The following KCNK10 variants were observed in gnomAD, a reference collection of about 807,000 sequenced individuals.
The protein encoded by KCNK10 is potassium channel subfamily K member 10.
Under a neutral mutation model 47.7 loss-of-function variants are expected in KCNK10, and 25 were observed. That is an observed-to-expected ratio of 0.52 (90% CI 0.38 to 0.73). The LOEUF is 0.73. Among genes scored for constraint, KCNK10 ranks in the 30% least tolerant of loss-of-function variants. The pLI, the probability that KCNK10 is intolerant of heterozygous loss-of-function variation, is 0.00. For missense variants in KCNK10, 563 were observed against 714.5 expected (o/e 0.79, Z 2.42); for synonymous variants, 303 against 285.6 (o/e 1.06, Z -0.61).
intron 1 of KCNK10, among the ~76,000 whole-genome samples, chr14:88,280,579 C>T (rs149026639): frequency 1.4e-3 from 208 of 152,228 alleles, no homozygotes; most frequent in African/African-American, 4.6e-3. Context: ...GTGAAAATTG[C>T]GCTTGTTAGT....
chr14:88,203,424 A>G (rs1468357795), intron 4 of KCNK10, among the ~76,000 whole-genome samples: 1 of 152,230 alleles, frequency 6.6e-6, no homozygotes, highest in African/African-American at 2.4e-5. Flanking sequence ...CCTGGAGGTC[A>G]GGGCAAGCTG....
intron 4 of KCNK10, among the ~76,000 whole-genome samples, chr14:88,217,151 C>A (rs184013237): frequency 1.3e-5 from 2 of 152,034 alleles, no homozygotes; most frequent in African/African-American, 4.8e-5. Flanking sequence ...AGTGAGACTC[C>A]GTCTCAATAA....
At chr14:88,276,365 T>G (rs1232116863) in intron 1 of KCNK10, among the ~76,000 whole-genome samples, 1 of 151,962 alleles carries the variant, frequency 6.6e-6, no homozygotes, top group East Asian at 1.9e-4. Context: ...TGAATCTGCC[T>G]TGATATCTTG....
At chr14:88,196,034 T>C (rs535863694) in intron 4 of KCNK10, among the ~76,000 whole-genome samples, 9 of 152,340 alleles carry the variant, frequency 5.9e-5, no homozygotes, top group Non-Finnish European at 8.8e-5. Flanking sequence ...TGGTCTGATA[T>C]GATATTTGGG....
intron 1 of KCNK10, among the ~76,000 whole-genome samples, chr14:88,266,317 C>A (rs1483878144): frequency 1.3e-5 from 2 of 152,210 alleles, no homozygotes; most frequent in Non-Finnish European, 2.9e-5. Context: ...GCTCTGTTCA[C>A]ACCTTCACAC....
chr14:88,217,152 G>A (rs1372302988), intron 4 of KCNK10, among the ~76,000 whole-genome samples: 6 of 152,172 alleles, frequency 3.9e-5, no homozygotes, highest in East Asian at 1.9e-4. Context: ...GTGAGACTCC[G>A]TCTCAATAAA....
intron 3 of KCNK10, among the ~76,000 whole-genome samples, chr14:88,238,854 G>A (rs1273175225): frequency 1.3e-5 from 2 of 152,058 alleles, no homozygotes; most frequent in East Asian, 3.9e-4. Flanking sequence ...CTTGAACACT[G>A]AGAAGCCACT....
At chr14:88,252,158 G>A (rs563841145) in intron 2 of KCNK10, among the ~76,000 whole-genome samples, 6 of 151,718 alleles carry the variant, frequency 4.0e-5, no homozygotes, top group African/African-American at 9.7e-5. Context: ...CAAGTGATCC[G>A]CCTGCCTCAG....
chr14:88,227,344 G>A, intron 4 of KCNK10, 31 bp downstream of exon 4: 2 of 1,562,308 alleles, frequency 1.3e-6, no homozygotes, highest in Non-Finnish European at 1.7e-6. Flanking sequence ...GGATCACAGT[G>A]GTTAGAATTT....
At chr14:88,275,431 C>A (rs781708371) in intron 1 of KCNK10, among the ~76,000 whole-genome samples, 1 of 152,144 alleles carries the variant, frequency 6.6e-6, no homozygotes, top group African/African-American at 2.4e-5. Flanking sequence ...GCCATCATCT[C>A]CATTCCATCT....
intron 4 of KCNK10, among the ~76,000 whole-genome samples, chr14:88,215,875 C>T (rs1885601872): frequency 6.6e-6 from 1 of 152,014 alleles, no homozygotes; most frequent in Admixed American, 6.6e-5. Flanking sequence ...CTTTACTGTG[C>T]ATAGAAAAGA....
intron 4 of KCNK10, among the ~76,000 whole-genome samples, chr14:88,214,672 A>G (rs918475890): frequency 6.6e-6 from 1 of 152,224 alleles, no homozygotes; most frequent in Non-Finnish European, 1.5e-5. Context: ...AGAGAACACA[A>G]AGAAAGAGAT....
At chr14:88,228,672 C>T (rs886534754) in intron 3 of KCNK10, among the ~76,000 whole-genome samples, 4 of 152,186 alleles carry the variant, frequency 2.6e-5, no homozygotes, top group Non-Finnish European at 5.9e-5. Context: ...GTTAGTCCAT[C>T]ATTCAGCCAC....
At chr14:88,277,100 C>T (rs1371343140) in intron 1 of KCNK10, among the ~76,000 whole-genome samples, 1 of 152,210 alleles carries the variant, frequency 6.6e-6, no homozygotes, top group African/African-American at 2.4e-5. Context: ...AGGCTCCACA[C>T]CCCAACACAC....
At chr14:88,324,185 C>A (rs80290470), upstream of KCNK10, among the ~76,000 whole-genome samples, 6 of 152,360 alleles carry the variant, frequency 3.9e-5, no homozygotes, top group East Asian at 1.2e-3. Flanking sequence ...GCGAAGGGAC[C>A]CAGACCTGTT....
Position 88,292,579 on chromosome 14 carries a change from G to A in KCNK10, c.53-29028C>T, listed in dbSNP as rs759523890. On this transcript the variant is annotated intron_variant, in intron 1 of 6. Coordinates refer to ENST00000319231, the MANE Select transcript of KCNK10 (RefSeq NM_138317.3). ...TTGGCCAGGCAGGTCTTGAACTGCC[G>A]ACCTGAGGTGATGTACCCACCTCGG... is the stretch of plus-strand genomic sequence containing the variant. 3.3e-5 allele frequency among the ~76,000 whole-genome samples: 5 copies of A among 152,002 alleles called. 1 individual carries two copies. Among genetic ancestry groups the A allele is most frequent in the East Asian group, 3.9e-4 (2 of 5,182 alleles).
intron 3 of KCNK10, 113 bp from the exon 4 acceptor site, chr14:88,227,648 G>T: frequency 2.3e-6 from 2 of 860,790 alleles, no homozygotes; most frequent in Non-Finnish European, 1.7e-6. Flanking sequence ...GAGCTTCAGG[G>T]AGTAGAACTT....
chr14:88,191,359 A>ACACC (rs1566678991), intron 5 of KCNK10, among the ~76,000 whole-genome samples: 1 of 151,974 alleles, frequency 6.6e-6, no homozygotes, highest in African/African-American at 2.4e-5. Context: ...ACACACACAC[A>ACACC]CACACTCCAT....
intron 1 of KCNK10, among the ~76,000 whole-genome samples, chr14:88,309,662 C>T (rs1888271951): frequency 6.6e-6 from 1 of 152,248 alleles, no homozygotes; most frequent in South Asian, 2.1e-4. Flanking sequence ...TTGGCATTGC[C>T]ATAAGCATCA....
Sources: allele counts gnomAD v4.1 joint callset (sites outside exome capture counted in the v4.1 genomes callset), GRCh38; gene constraint gnomAD v4.1.1; transcripts MANE v1.5; gene names NCBI Gene and HGNC (gene_info 2026-07-23, HGNC 2026-07-21).